LIN28B: variants seen among roughly 807,000 people sequenced by gnomAD.
LIN28B encodes protein lin-28 homolog B.
A neutral mutation model predicts 21.9 loss-of-function variants in LIN28B; 5 were observed. That is an observed-to-expected ratio of 0.23 (90% CI 0.12 to 0.48). The LOEUF is 0.48. Ranked by LOEUF, LIN28B falls within the 20% of genes least tolerant of loss-of-function variation. The pLI is 0.98. For missense variants in LIN28B, 245 were observed against 310.5 expected, an observed-to-expected ratio of 0.79 and a Z score of 1.58; for synonymous variants, 109 against 111.3, an observed-to-expected ratio of 0.98 and a Z score of 0.13.
chr6:105,065,470 G>T (rs1246592606), intron 3 of LIN28B, among the ~76,000 whole-genome samples: 2 of 152,212 alleles, frequency 1.3e-5, no homozygotes, highest in Non-Finnish European at 2.9e-5. Context: ...TTGGCAAAAG[G>T]CAATATATAG....
intron 2 of LIN28B, among the ~76,000 whole-genome samples, chr6:104,988,695 C>T (rs1433019733): frequency 6.6e-6 from 1 of 151,910 alleles, no homozygotes. Context: ...CCTCCGCCTC[C>T]GCTTTGCGAG....
chr6:104,993,730 G>A (rs1196239360), intron 2 of LIN28B, among the ~76,000 whole-genome samples: 1 of 151,666 alleles, frequency 6.6e-6, no homozygotes, highest in Non-Finnish European at 1.5e-5. Flanking sequence ...AGCTACTTGG[G>A]AGGCTGAGGC....
chr6:105,059,984 AC>A (rs1772095466), intron 3 of LIN28B, among the ~76,000 whole-genome samples: 2 of 148,764 alleles, frequency 1.3e-5, no homozygotes, highest in African/African-American at 5.0e-5. Context: ...ACTCACCACA[AC>A]CTCCGCCTCC....
At chr6:104,977,742 A>G (rs1163587950) in intron 2 of LIN28B, among the ~76,000 whole-genome samples, 3 of 151,878 alleles carry the variant, frequency 2.0e-5, no homozygotes, top group Non-Finnish European at 4.4e-5. Flanking sequence ...TAATTTTTGT[A>G]TTTTTAGTAG....
intron 2 of LIN28B, among the ~76,000 whole-genome samples, chr6:104,994,206 G>A (rs1379697617): frequency 6.6e-6 from 1 of 151,914 alleles, no homozygotes; most frequent in Non-Finnish European, 1.5e-5. Context: ...GCATTTCACT[G>A]TGTTAGCCAG....
intron 2 of LIN28B, among the ~76,000 whole-genome samples, chr6:104,968,833 T>G (rs1210940067): frequency 6.6e-6 from 1 of 152,194 alleles, no homozygotes; most frequent in Non-Finnish European, 1.5e-5. Context: ...TTATCCTTAG[T>G]TCAGTCTGTA....
intron 3 of LIN28B, chr6:105,045,624 T>C (rs1771742320): frequency 6.6e-6 from 1 of 152,190 alleles, no homozygotes; most frequent in Non-Finnish European, 1.5e-5. Context: ...ACTAATCTTC[T>C]CTGTATTGTT....
intron 3 of LIN28B, among the ~76,000 whole-genome samples, chr6:105,031,217 G>A (rs1422749673): frequency 6.6e-6 from 1 of 151,876 alleles, no homozygotes; most frequent in Non-Finnish European, 1.5e-5. Flanking sequence ...TGTAACCACC[G>A]TTATTTATTT....
At chr6:104,943,311 G>T (rs758062979) in intron 2 of LIN28B, among the ~76,000 whole-genome samples, 18 of 152,074 alleles carry the variant, frequency 1.2e-4, no homozygotes, top group African/African-American at 4.3e-4. Context: ...CATGATTAGG[G>T]TTTTGTGACA....
intron 2 of LIN28B, among the ~76,000 whole-genome samples, chr6:104,949,321 CATT>C (rs1778192619): frequency 6.6e-6 from 1 of 152,168 alleles, no homozygotes; most frequent in South Asian, 2.1e-4. Context: ...TAGGATCTGT[CATT>C]ATCTTGTGTC....
intron 2 of LIN28B, among the ~76,000 whole-genome samples, chr6:105,011,414 T>C (rs1381087295): frequency 6.6e-6 from 1 of 152,122 alleles, no homozygotes; most frequent in Non-Finnish European, 1.5e-5. Context: ...GGTGTTTAAC[T>C]CCTGGGCCCA....
intron 2 of LIN28B, among the ~76,000 whole-genome samples, chr6:104,975,919 C>T (rs955352706): frequency 6.6e-6 from 1 of 151,112 alleles, no homozygotes; most frequent in East Asian, 1.9e-4. Context: ...TCAAGCAATC[C>T]GATTACCCCA....
chr6:104,955,667 A>G (rs1020668166), upstream of LIN28B, among the ~76,000 whole-genome samples: 8 of 134,454 alleles, frequency 5.9e-5, no homozygotes, highest in Admixed American at 1.6e-4. Context: ...AGAGACTGGG[A>G]GGGGGATTGC....
In LIN28B at chr6:105,026,486, A is replaced by G; in HGVS notation, c.383+4A>G. The G allele has an allele frequency of 6.5e-7, 1 of 1,533,832 alleles. No individual in the cohort carries two copies. The highest frequency in any genetic ancestry group is 2.2e-5 in the Admixed American group (1 of 45,554). On this transcript the variant is annotated splice_donor_region_variant and intron_variant, in intron 3 of 3. Coordinates refer to ENST00000345080, the MANE Select transcript of LIN28B (RefSeq NM_001004317.4). ...AAAGAAAACCAAAGGGAGATAGGTA[A>G]TCATTTTTACTTTGTTAATTTATCA...
At chr6:104,991,064 T>C (rs925426315) in intron 2 of LIN28B, among the ~76,000 whole-genome samples, 8 of 152,236 alleles carry the variant, frequency 5.3e-5, no homozygotes, top group Non-Finnish European at 1.2e-4. Context: ...CCGTTCTCAA[T>C]GAGCTGTTGG....
chr6:105,078,302 C>A, intron 3 of LIN28B, 112 bp from the exon 4 acceptor site: 2 of 947,820 alleles, frequency 2.1e-6, no homozygotes, highest in Non-Finnish European at 3.2e-6. Context: ...TTTAAGAAGG[C>A]ACATTAAAAT....
intron 3 of LIN28B, among the ~76,000 whole-genome samples, chr6:105,055,483 C>G (rs2114392835): frequency 6.6e-6 from 1 of 152,234 alleles, no homozygotes; most frequent in African/African-American, 2.4e-5. Flanking sequence ...TGATTAAGGG[C>G]CAGGTTGCAT....
chr6:104,990,817 G>A (rs902947555), intron 2 of LIN28B, among the ~76,000 whole-genome samples: 24 of 152,232 alleles, frequency 1.6e-4, no homozygotes, highest in African/African-American at 5.8e-4. Context: ...ATCTTGCACC[G>A]CCCTTAATCC....
chr6:105,020,403 G>A (rs997906896), intron 2 of LIN28B, among the ~76,000 whole-genome samples: 2 of 151,286 alleles, frequency 1.3e-5, no homozygotes, highest in African/African-American at 4.9e-5. Context: ...AAAACAGCAT[G>A]AAGTGCAGTA....
Sources: allele counts gnomAD v4.1 joint callset (sites outside exome capture counted in the v4.1 genomes callset), GRCh38; gene constraint gnomAD v4.1.1; transcripts MANE v1.5; gene names NCBI Gene and HGNC (gene_info 2026-07-23, HGNC 2026-07-21).